CNTNAP2: variants seen among roughly 807,000 people sequenced by gnomAD.
The protein encoded by CNTNAP2 is contactin associated protein 2.
CNTNAP2 carries 98 observed loss-of-function variants against 155.2 expected under a neutral mutation model. The ratio of observed to expected loss-of-function variants is 0.63; its 90% confidence interval spans 0.54 to 0.75. CNTNAP2 has a LOEUF of 0.75. CNTNAP2 is among the 30% of genes least tolerant of loss of function. The pLI is 0.00. For synonymous variants in CNTNAP2, 651 were observed against 631.2 expected, an observed-to-expected ratio of 1.03 and a Z score of -0.47; for missense variants, 1,727 against 1,688.1, an observed-to-expected ratio of 1.02 and a Z score of -0.40.
intron 9 of CNTNAP2, among the ~76,000 whole-genome samples, chr7:147,343,286 C>T (rs994279549): frequency 6.6e-6 from 1 of 151,908 alleles, no homozygotes; most frequent in Non-Finnish European, 1.5e-5. Flanking sequence ...ATCTTGGTCT[C>T]GTGCTAAATA....
intron 1 of CNTNAP2, among the ~76,000 whole-genome samples, chr7:146,188,939 A>G (rs1798661811): frequency 6.6e-6 from 1 of 152,178 alleles, no homozygotes; most frequent in African/African-American, 2.4e-5. Context: ...AAATTAAATC[A>G]GAATCTCTGG....
chr7:146,663,362 C>A (rs1166392602), intron 1 of CNTNAP2, among the ~76,000 whole-genome samples: 1 of 148,440 alleles, frequency 6.7e-6, no homozygotes, highest in Non-Finnish European at 1.5e-5. Context: ...TTAGTTGTTT[C>A]ACTTTCTCAT....
chr7:147,940,931 A>G (rs1029944252), intron 14 of CNTNAP2, among the ~76,000 whole-genome samples: 4 of 152,266 alleles, frequency 2.6e-5, no homozygotes, highest in Non-Finnish European at 5.9e-5. Context: ...ATTTGAAGCA[A>G]CTAGTATAAA....
rs1395973864 is a variant in CNTNAP2, at chr7:147,046,110, G to A, written c.550+2056G>A. On this transcript the variant is annotated intron_variant, in intron 4 of 23. Transcript: ENST00000361727. ...TTACCCAAAAGCACATAGCCTGAGT[G>A]ATAGGTCTGAAAGGGAACCCAGGTA... is the stretch of plus-strand genomic sequence containing the variant. Among the ~76,000 whole-genome samples the A allele has an allele frequency of 3.3e-5, 5 of 152,118 alleles. No homozygotes were observed. The East Asian group carries it at 7.7e-4, about 24-fold the overall frequency.
intron 1 of CNTNAP2, among the ~76,000 whole-genome samples, chr7:146,534,595 A>G (rs944561260): frequency 6.6e-6 from 1 of 152,196 alleles, no homozygotes; most frequent in East Asian, 1.9e-4. Flanking sequence ...GGAAATAAGA[A>G]CAACAGGTTT....
chr7:146,977,142 CAT>C (rs1563028992), intron 3 of CNTNAP2, among the ~76,000 whole-genome samples: 1 of 152,052 alleles, frequency 6.6e-6, no homozygotes, highest in East Asian at 1.9e-4. Context: ...ATATAAAAAA[CAT>C]AAAATAATAA....
intron 4 of CNTNAP2, among the ~76,000 whole-genome samples, chr7:147,092,596 A>C (rs1368120725): frequency 6.6e-6 from 1 of 152,184 alleles, no homozygotes; most frequent in Non-Finnish European, 1.5e-5. Context: ...ATTTGTTTTT[A>C]TGTTGCAATT....
At chr7:147,068,491 T>A (rs951843515) in intron 4 of CNTNAP2, among the ~76,000 whole-genome samples, 7 of 152,124 alleles carry the variant, frequency 4.6e-5, no homozygotes, top group African/African-American at 1.7e-4. Context: ...CCCAAGCAGC[T>A]GGGATTACAG....
rs558641535 is a variant in CNTNAP2, at chr7:147,726,037, G to T, written c.2098+86731G>T. On this transcript the variant is annotated intron_variant, in intron 13 of 23. Coordinates refer to ENST00000361727, the MANE Select transcript of CNTNAP2 (RefSeq NM_014141.6). ...ATCAGCAAATACTGCATGATTTCTC[G>T]TATAAAAAGGCATCTAAAATAATCA... 7.2e-5 allele frequency among the ~76,000 whole-genome samples: 11 copies of T among 151,970 alleles called. No individual in the cohort carries two copies. The South Asian group carries it at 2.1e-3, about 29-fold the overall frequency.
At chr7:147,672,649 A>G (rs1795806206) in intron 13 of CNTNAP2, 1 of 152,296 alleles carries the variant, frequency 6.6e-6, no homozygotes, top group South Asian at 2.1e-4. Context: ...ATAGGTGTCA[A>G]GCACGTCCCA....
chr7:146,795,882 G>A (rs531474076), intron 2 of CNTNAP2, among the ~76,000 whole-genome samples: 244 of 152,186 alleles, frequency 1.6e-3, no homozygotes, highest in African/African-American at 5.5e-3. Context: ...ATAATAACCC[G>A]AAAATGAAAA....
chr7:147,290,607 C>T (rs375641164), intron 8 of CNTNAP2, among the ~76,000 whole-genome samples: 20 of 143,174 alleles, frequency 1.4e-4, no homozygotes, highest in East Asian at 2.4e-4. Flanking sequence ...TGCTTGAACC[C>T]GGGAGGTGGA....
At chr7:147,499,730 T>C (rs915924115) in intron 11 of CNTNAP2, among the ~76,000 whole-genome samples, 1 of 152,100 alleles carries the variant, frequency 6.6e-6, no homozygotes, top group Non-Finnish European at 1.5e-5. Context: ...AGAAAGAATA[T>C]GGAGACGTTA....
intron 15 of CNTNAP2, among the ~76,000 whole-genome samples, chr7:148,017,752 A>T (rs1304766641): frequency 6.6e-6 from 1 of 152,256 alleles, no homozygotes; most frequent in African/African-American, 2.4e-5. Context: ...ACAGTAATTT[A>T]AAAACTGATA....
At chr7:146,458,059 A>C (rs1796583026) in intron 1 of CNTNAP2, among the ~76,000 whole-genome samples, 2 of 152,086 alleles carry the variant, frequency 1.3e-5, no homozygotes, top group African/African-American at 4.8e-5. Flanking sequence ...AGGAACAGAA[A>C]GCCAAACACC....
intron 1 of CNTNAP2, among the ~76,000 whole-genome samples, chr7:146,145,057 C>G (rs1262133957): frequency 3.9e-5 from 6 of 152,130 alleles, no homozygotes; most frequent in South Asian, 4.1e-4. Flanking sequence ...TGGTCAGATA[C>G]AACAGAAAGC....
intron 13 of CNTNAP2, among the ~76,000 whole-genome samples, chr7:147,752,172 C>T (rs940900843): frequency 6.6e-6 from 1 of 152,200 alleles, no homozygotes; most frequent in Non-Finnish European, 1.5e-5. Flanking sequence ...AGATACGTAA[C>T]TGACTTCCTT....
intron 2 of CNTNAP2, among the ~76,000 whole-genome samples, chr7:146,835,922 TACTG>T (rs1438798158): frequency 1.3e-5 from 2 of 152,138 alleles, no homozygotes; most frequent in East Asian, 3.9e-4. Context: ...TGGGGCAGGG[TACTG>T]GCTTTTTATA....
At chr7:147,005,491 G>T (rs561657493) in intron 3 of CNTNAP2, among the ~76,000 whole-genome samples, 1 of 152,166 alleles carries the variant, frequency 6.6e-6, no homozygotes, top group South Asian at 2.1e-4. Context: ...TTATTAACTT[G>T]TATACCTCAT....
Sources: gnomAD v4.1 joint callset for allele counts (sites outside exome capture counted in the v4.1 genomes callset) on GRCh38, gnomAD v4.1.1 for gene constraint, MANE v1.5 for transcripts, NCBI Gene and HGNC (gene_info 2026-07-23, HGNC 2026-07-21) for gene names.